Variants in EPG5 observed in about 807,000 individuals in gnomAD.
EPG5 encodes ectopic P-granules 5 autophagy tethering factor.
In EPG5, 159 loss-of-function variants were observed where a neutral mutation model predicts 302.7. That is an observed-to-expected ratio of 0.53 (90% CI 0.46 to 0.60). The LOEUF (loss-of-function observed/expected upper bound fraction) is 0.60. Among genes scored for constraint, EPG5 ranks in the 20% least tolerant of loss-of-function variants. EPG5 has a pLI of 0.00. For synonymous variants in EPG5, 1,158 were observed against 1,136.8 expected (o/e 1.02, Z -0.37); for missense variants, 2,896 against 3,092.4 (o/e 0.94, Z 1.51).
chr18:45,821,920 CT>C, the EPG5 span, among the ~76,000 whole-genome samples: 1 of 152,286 alleles, frequency 6.6e-6, no homozygotes, highest in East Asian at 1.9e-4. Flanking sequence ...TCACCTCACC[CT>C]TGTTAGAATA....
intron 35 of EPG5, among the ~76,000 whole-genome samples, chr18:45,873,139 C>G (rs1357218000): frequency 2.0e-5 from 3 of 152,198 alleles, no homozygotes; most frequent in Non-Finnish European, 4.4e-5. Flanking sequence ...TGTCTGTGAA[C>G]CCTTCTGTCC....
At chr18:45,965,726 C>CG (rs768160631) in intron 1 of EPG5, among the ~76,000 whole-genome samples, 3 of 152,306 alleles carry the variant, frequency 2.0e-5, no homozygotes, top group Admixed American at 1.3e-4. Flanking sequence ...TCTGGCCATG[C>CG]GGGAGCAGCA....
At position 45,860,293 on chromosome 18, in the gene EPG5, G is replaced by A. The variant is rs774046986; in HGVS notation, c.6820C>T (p.Leu2274=). 1 of 1,614,228 alleles carries A rather than the reference G, an allele frequency of 6.2e-7. No homozygotes were observed. Among genetic ancestry groups the A allele is most frequent in the South Asian group, 1.1e-5 (1 of 91,084 alleles). The part of the protein sequence containing the change: ...MALSSLFMEV[L]MMMNNATIPT... ...ATAGTCGCGTTGTTCATCATCATCA[G>A]GACTTCCATAAAGAGGCTGCTGAGG... is the stretch of plus-strand genomic sequence containing the variant. The change falls in exon 40 of 44, where the codon CTG becomes TTG. Residue 2274 remains leucine, a synonymous_variant. Coordinates refer to ENST00000282041, the MANE Select transcript of EPG5 (RefSeq NM_020964.3).
chr18:45,896,687 G>A (rs1475086697), intron 27 of EPG5, among the ~76,000 whole-genome samples: 1 of 152,118 alleles, frequency 6.6e-6, no homozygotes, highest in Non-Finnish European at 1.5e-5. Flanking sequence ...TTGGACCACA[G>A]GCGTGCGCCA....
At position 45,960,533 on chromosome 18, in the gene EPG5, C is replaced by T. The variant is rs578015633; in HGVS notation, c.64-5195G>A. ...CATAAGTTACATACAGATTAAAAAACGATTTTAAAGTCATTCAAATGGAGA... is the reference window on the plus strand; with the variant it reads ...CATAAGTTACATACAGATTAAAAAATGATTTTAAAGTCATTCAAATGGAGA... On this transcript the variant is annotated intron_variant, in intron 1 of 43. Transcript: ENST00000282041. Among the ~76,000 whole-genome samples, 811 of 151,174 alleles carry T rather than the reference C, an allele frequency of 5.4e-3. 6 individuals are homozygous for T. The highest frequency in any genetic ancestry group is 0.018 in the African/African-American group (754 of 40,906).
chr18:45,938,598 T>G (rs889608803), intron 10 of EPG5, among the ~76,000 whole-genome samples: 1 of 152,176 alleles, frequency 6.6e-6, no homozygotes, highest in Non-Finnish European at 1.5e-5. Context: ...ATTATTCTAT[T>G]CCCCAGATGA....
chr18:45,964,610 T>C lies in EPG5; in HGVS notation c.63+2567A>G, dbSNP rs114190282. Among the ~76,000 whole-genome samples the C allele has an allele frequency of 7.2e-4, 109 of 152,312 alleles. 1 individual carries two copies. Among genetic ancestry groups the C allele is most frequent in the African/African-American group, 2.6e-3 (107 of 41,564 alleles). On this transcript the variant is annotated intron_variant, in intron 1 of 43. Transcript: ENST00000282041. ...TTATGCATAGCTGGCCAATGGCTTT[T>C]TTCTTCCTCCTGGGCCTGGATAGTT... is the stretch of plus-strand genomic sequence containing the variant.
intron 29 of EPG5, among the ~76,000 whole-genome samples, chr18:45,886,624 C>T (rs1314751643): frequency 6.6e-6 from 1 of 152,128 alleles, no homozygotes; most frequent in East Asian, 1.9e-4. Flanking sequence ...CTTCTTCATA[C>T]TTTCTATGCT....
At chr18:45,885,353 A>G (rs2049194496) in intron 29 of EPG5, among the ~76,000 whole-genome samples, 1 of 152,138 alleles carries the variant, frequency 6.6e-6, no homozygotes, top group Non-Finnish European at 1.5e-5. Context: ...AAGAAAAAAA[A>G]AATGATAAGT....
At chr18:45,804,908 T>C in the EPG5 span, among the ~76,000 whole-genome samples, 1 of 152,248 alleles carries the variant, frequency 6.6e-6, no homozygotes, top group Admixed American at 6.5e-5. Flanking sequence ...TGTATATAAA[T>C]GTCATATGGT....
the EPG5 span, among the ~76,000 whole-genome samples, chr18:45,835,980 T>A: frequency 1.2e-4 from 18 of 152,200 alleles, no homozygotes; most frequent in Admixed American, 7.9e-4. Flanking sequence ...GAGAAAGCGA[T>A]GTGCACACAC....
At chr18:45,868,660 C>T (rs117396677) in intron 36 of EPG5, among the ~76,000 whole-genome samples, 9,064 of 151,270 alleles carry the variant, frequency 0.06, 506 homozygotes, top group African/African-American at 0.15. Flanking sequence ...TGAGCCACCG[C>T]GCCCGGCCTA....
intron 2 of EPG5, chr18:45,953,508 C>G (rs1760658800): frequency 2.0e-6 from 2 of 985,346 alleles, no homozygotes; most frequent in African/African-American, 1.7e-5. Flanking sequence ...TGTTTCTCCC[C>G]AATATCCCCT....
In EPG5 at chr18:45,945,730, A is replaced by G. The variant is rs62095413; in HGVS notation, c.1677+933T>C. On this transcript the variant is annotated intron_variant, in intron 7 of 43. Transcript: ENST00000282041. ...AAAAGACCAATCTGTACTGGCTCCT[A>G]AGAAGCTTGCTTCAGAATGACTCCT... 7.6e-3 allele frequency among the ~76,000 whole-genome samples: 1,160 copies of G among 152,302 alleles called. 6 individuals are homozygous for G. Among genetic ancestry groups the G allele is most frequent in the Middle Eastern group, 0.024 (7 of 294 alleles).
intron 40 of EPG5, among the ~76,000 whole-genome samples, chr18:45,859,686 A>G (rs560291315): frequency 2.4e-4 from 36 of 152,358 alleles, no homozygotes; most frequent in African/African-American, 8.2e-4. Context: ...AAAAACTTCT[A>G]TGAAAACTCC....
downstream of EPG5, chr18:45,842,868 AG>A (rs1269335124): frequency 6.6e-6 from 1 of 152,594 alleles, no homozygotes; most frequent in Non-Finnish European, 1.5e-5. Flanking sequence ...ACAGAGTTCC[AG>A]AGAGCAAGCC....
At position 45,865,765 on chromosome 18, in the gene EPG5, C is replaced by CAA. The variant is rs11333207; in HGVS notation, c.6622-8_6622-7dup. On this transcript the variant is annotated splice_region_variant and splice_polypyrimidine_tract_variant and intron_variant, in intron 38 of 43. Transcript: ENST00000282041. ...TGGCATTTTGGAACTGCATCCTGACCAAAAAAAAAAAAAAAAATCATTCAA... is the reference window on the plus strand; with the variant it reads ...TGGCATTTTGGAACTGCATCCTGACCAAAAAAAAAAAAAAAAAAATCATTCAA... 1.8e-3 allele frequency: 2,562 copies of CAA among 1,407,766 alleles called. 1 individual carries two copies. The highest frequency in any genetic ancestry group is 2.1e-3 in the South Asian group (149 of 71,550). 87.2% of individuals were successfully genotyped at this position (1,407,766 alleles called of 1,614,324 possible).
chr18:45,825,358 G>A, the EPG5 span, among the ~76,000 whole-genome samples: 1 of 151,896 alleles, frequency 6.6e-6, no homozygotes, highest in Non-Finnish European at 1.5e-5. Context: ...GTGAGGGAGG[G>A]AGGAAGGAAG....
At chr18:45,806,005 C>CT in the EPG5 span, among the ~76,000 whole-genome samples, 4 of 152,080 alleles carry the variant, frequency 2.6e-5, no homozygotes, top group South Asian at 6.2e-4. Flanking sequence ...TACCAACTAC[C>CT]TTTTTTATTT....
Sources: allele counts gnomAD v4.1 joint callset (sites outside exome capture counted in the v4.1 genomes callset), GRCh38; gene constraint gnomAD v4.1.1; transcripts MANE v1.5; gene names NCBI Gene and HGNC (gene_info 2026-07-23, HGNC 2026-07-21).